Variants in HPSE2 observed in about 807,000 individuals in gnomAD.
HPSE2 encodes heparanase 2 (inactive), also known as inactive heparanase-2.
Under a neutral mutation model 60.5 loss-of-function variants are expected in HPSE2, and 38 were observed. The observed-to-expected ratio is 0.63, with a 90% CI of 0.48 to 0.82. The LOEUF (loss-of-function observed/expected upper bound fraction) is 0.82, where lower values mean the gene tolerates loss of function less well. Ranked by LOEUF, HPSE2 falls within the 40% of genes least tolerant of loss-of-function variation. The pLI, the probability that HPSE2 is intolerant of heterozygous loss-of-function variation, is 0.00. For missense variants in HPSE2, 713 were observed against 740.4 expected, an observed-to-expected ratio of 0.96 and a Z score of 0.43; for synonymous variants, 295 against 293.2, an observed-to-expected ratio of 1.01 and a Z score of -0.06.
chr10:98,927,537 C>T (rs545245339), intron 3 of HPSE2, among the ~76,000 whole-genome samples: 1 of 146,278 alleles, frequency 6.8e-6, no homozygotes, highest in East Asian at 2.0e-4. Flanking sequence ...CAAGGCAATC[C>T]TAAGCCAAAA....
At position 98,698,441 on chromosome 10, in the gene HPSE2, A is replaced by C. The variant is rs1282606198; in HGVS notation, c.957-4494T>G. The stretch of plus-strand genomic sequence containing the variant: ...GAAATAAAGATGTTCTTTGAAACCA[A>C]CGAGAACAAAGACACAACATACCAG... On this transcript the variant is annotated intron_variant, in intron 5 of 11. Coordinates refer to ENST00000370552, the MANE Select transcript of HPSE2 (RefSeq NM_021828.5). Among the ~76,000 whole-genome samples, 264 of 152,116 alleles carry C rather than the reference A, an allele frequency of 1.7e-3. 2 individuals carry two copies. The highest frequency in any genetic ancestry group is 5.9e-3 in the African/African-American group (246 of 41,474).
chr10:98,899,865 C>A (rs1024242662), intron 3 of HPSE2, among the ~76,000 whole-genome samples: 1 of 149,540 alleles, frequency 6.7e-6, no homozygotes, highest in East Asian at 2.0e-4. Context: ...CTCACTGCAA[C>A]TTCTGCCTCC....
intron 9 of HPSE2, among the ~76,000 whole-genome samples, chr10:98,604,689 G>A (rs1945527410): frequency 1.3e-5 from 2 of 152,212 alleles, no homozygotes; most frequent in African/African-American, 4.8e-5. Context: ...TTCCTGAATG[G>A]TTTCAAAGGG....
intron 4 of HPSE2, among the ~76,000 whole-genome samples, chr10:98,722,209 G>A (rs1010887551): frequency 7.5e-5 from 11 of 147,024 alleles, no homozygotes; most frequent in African/African-American, 2.8e-4. Flanking sequence ...GTTATGATAA[G>A]GTCATACTAG....
chr10:99,145,445 G>A (rs1846017829), intron 2 of HPSE2, among the ~76,000 whole-genome samples: 1 of 150,558 alleles, frequency 6.6e-6, no homozygotes, highest in African/African-American at 2.5e-5. Context: ...AATAGAGGGA[G>A]ACTCTGTCTT....
the HPSE2 span, among the ~76,000 whole-genome samples, chr10:99,302,294 GA>G: frequency 1.3e-5 from 2 of 150,640 alleles, no homozygotes; most frequent in Non-Finnish European, 3.0e-5. Context: ...CTGTTAAATG[GA>G]AAGAAAAGTG....
chr10:98,476,255 T>C (rs1036239193), intron 11 of HPSE2, among the ~76,000 whole-genome samples: 3 of 138,906 alleles, frequency 2.2e-5, no homozygotes, highest in African/African-American at 5.5e-5. Flanking sequence ...TTCTCACTCA[T>C]AGATGGGAAT....
intron 3 of HPSE2, among the ~76,000 whole-genome samples, chr10:98,922,868 G>C (rs1954323565): frequency 6.6e-6 from 1 of 152,126 alleles, no homozygotes; most frequent in Admixed American, 6.5e-5. Context: ...AAAAGTTGTT[G>C]TAGCTGTTAT....
chr10:98,738,053 G>C (rs1949402947), intron 4 of HPSE2, among the ~76,000 whole-genome samples: 1 of 152,124 alleles, frequency 6.6e-6, no homozygotes, highest in South Asian at 2.1e-4. Flanking sequence ...AACAAAGCTG[G>C]AGGCATCACA....
intron 3 of HPSE2, among the ~76,000 whole-genome samples, chr10:98,872,252 C>T (rs948559182): frequency 2.0e-5 from 3 of 152,034 alleles, no homozygotes; most frequent in African/African-American, 7.2e-5. Flanking sequence ...AACACAAGGA[C>T]ATCCTGCTCT....
At chr10:98,495,180 T>C (rs1941790831) in intron 9 of HPSE2, among the ~76,000 whole-genome samples, 1 of 152,148 alleles carries the variant, frequency 6.6e-6, no homozygotes, top group East Asian at 1.9e-4. Context: ...ACAGTTTTTT[T>C]TTTTCTTTTA....
intron 3 of HPSE2, among the ~76,000 whole-genome samples, chr10:98,757,426 GA>G (rs1330496065): frequency 3.3e-5 from 5 of 152,034 alleles, no homozygotes; most frequent in Non-Finnish European, 5.9e-5. Context: ...TCTACACCTA[GA>G]AAACCCTAAA....
chr10:98,708,283 T>C (rs1168160347), intron 5 of HPSE2, among the ~76,000 whole-genome samples: 1 of 151,920 alleles, frequency 6.6e-6, no homozygotes, highest in Non-Finnish European at 1.5e-5. Flanking sequence ...TGTGAAACCC[T>C]GTCTCTACTA....
chr10:99,071,941 T>C (rs1207595057), intron 3 of HPSE2, among the ~76,000 whole-genome samples: 1 of 152,202 alleles, frequency 6.6e-6, no homozygotes, highest in Admixed American at 6.5e-5. Context: ...TCTGTCTGTA[T>C]GCCAGTACCA....
chr10:99,147,956 T>G (rs10883282), intron 2 of HPSE2, among the ~76,000 whole-genome samples: 3 of 151,980 alleles, frequency 2.0e-5, no homozygotes, highest in African/African-American at 7.3e-5. Context: ...AAATTAATGA[T>G]GTAAGATTTA....
intron 6 of HPSE2, among the ~76,000 whole-genome samples, chr10:98,643,121 T>G (rs1055439704): frequency 2.0e-5 from 3 of 152,244 alleles, no homozygotes; most frequent in Admixed American, 2.0e-4. Context: ...ATCCAGTGCT[T>G]AAACCATTGG....
chr10:98,779,535 A>T (rs1950418944), intron 3 of HPSE2, among the ~76,000 whole-genome samples: 1 of 152,174 alleles, frequency 6.6e-6, no homozygotes. Flanking sequence ...ATGTATTTAC[A>T]CACACCATGG....
intron 3 of HPSE2, among the ~76,000 whole-genome samples, chr10:99,099,805 A>G (rs1263126739): frequency 1.1e-4 from 16 of 152,164 alleles, no homozygotes; most frequent in African/African-American, 3.9e-4. Context: ...TTCCAGAGAA[A>G]CAATGAGGCA....
chr10:98,595,846 T>A (rs1945220711), intron 9 of HPSE2, among the ~76,000 whole-genome samples: 1 of 152,214 alleles, frequency 6.6e-6, no homozygotes, highest in Admixed American at 6.5e-5. Context: ...GTTTGTCATA[T>A]ATGGACTCTA....
Sources: allele counts gnomAD v4.1 joint callset (sites outside exome capture counted in the v4.1 genomes callset), GRCh38; gene constraint gnomAD v4.1.1; transcripts MANE v1.5; gene names NCBI Gene and HGNC (gene_info 2026-07-23, HGNC 2026-07-21).